Variants in OMA1 observed in about 807,000 individuals in gnomAD.
OMA1 encodes OMA1 zinc metallopeptidase.
In OMA1, 38 loss-of-function variants were observed where a neutral mutation model predicts 30.9. That is an observed-to-expected ratio of 1.23 (90% CI 0.95 to 1.61). The LOEUF (loss-of-function observed/expected upper bound fraction) is 1.61, where lower values mean the gene tolerates loss of function less well. OMA1 is among the 40% of genes most tolerant of loss of function. The probability of loss-of-function intolerance (pLI) is 0.00; values close to 1 mark genes in which losing one functional copy is unlikely to be tolerated. For synonymous variants in OMA1, 173 were observed against 121.9 expected (o/e 1.42, Z -2.76); for missense variants, 461 against 349.2 (o/e 1.32, Z -2.55).
At chr1:58,494,024 A>T (rs2100386028) in intron 8 of OMA1, among the ~76,000 whole-genome samples, 1 of 152,038 alleles carries the variant, frequency 6.6e-6, no homozygotes, top group Admixed American at 6.5e-5. Flanking sequence ...ACTATACTAC[A>T]AGGCTACAGT....
intron 7 of OMA1, among the ~76,000 whole-genome samples, chr1:58,518,875 T>C (rs1208417217): frequency 6.6e-6 from 1 of 152,174 alleles, no homozygotes; most frequent in Admixed American, 6.5e-5. Context: ...ATATTAAGTG[T>C]ATGAGATAGG....
At chr1:58,541,333 A>C (rs1323679178) in intron 1 of OMA1, among the ~76,000 whole-genome samples, 3 of 118,374 alleles carry the variant, frequency 2.5e-5, no homozygotes, top group Non-Finnish European at 5.4e-5. Context: ...AAAAAAAAAA[A>C]CAGGAAAAAC....
At chr1:58,539,748 T>C (rs1187292853) in intron 1 of OMA1, among the ~76,000 whole-genome samples, 3 of 152,170 alleles carry the variant, frequency 2.0e-5, no homozygotes, top group Middle Eastern at 3.2e-3. Flanking sequence ...CCCTAACAGA[T>C]GGGAAACAGA....
At chr1:58,534,631 C>T (rs1478487015) in intron 3 of OMA1, among the ~76,000 whole-genome samples, 5 of 152,168 alleles carry the variant, frequency 3.3e-5, no homozygotes, top group African/African-American at 4.8e-5. Context: ...CTTTCCTAAA[C>T]ATTTTAGAAA....
At chr1:58,536,068 T>C (rs1326879727) in intron 3 of OMA1, among the ~76,000 whole-genome samples, 1 of 152,086 alleles carries the variant, frequency 6.6e-6, no homozygotes, top group Non-Finnish European at 1.5e-5. Flanking sequence ...ATGCAAATAA[T>C]TATGTTACTC....
At chr1:58,493,702 A>G (rs186822) in intron 8 of OMA1, among the ~76,000 whole-genome samples, 2 of 151,594 alleles carry the variant, frequency 1.3e-5, no homozygotes. Context: ...TAGGAATCCA[A>G]CTTACAAGGG....
At chr1:58,495,928 T>C (rs944208241) in intron 8 of OMA1, among the ~76,000 whole-genome samples, 1 of 152,154 alleles carries the variant, frequency 6.6e-6, no homozygotes, top group Non-Finnish European at 1.5e-5. Context: ...AAGCCTGTCT[T>C]TGCAATGAAG....
intron 8 of OMA1, among the ~76,000 whole-genome samples, chr1:58,503,922 C>T (rs979541802): frequency 9.9e-5 from 15 of 152,180 alleles, no homozygotes; most frequent in African/African-American, 3.4e-4. Context: ...CCTAAATTAC[C>T]AACAAATCCT....
At chr1:58,499,390 T>A (rs1281773779) in intron 8 of OMA1, among the ~76,000 whole-genome samples, 1 of 139,376 alleles carries the variant, frequency 7.2e-6, no homozygotes, top group African/African-American at 2.7e-5. Context: ...GAGGCTGAAG[T>A]GGGAAAATTG....
chr1:58,531,042 T>C (rs1192367704), intron 5 of OMA1, among the ~76,000 whole-genome samples: 2 of 152,208 alleles, frequency 1.3e-5, no homozygotes, highest in South Asian at 2.1e-4. Context: ...CCTACATTTA[T>C]AGATAATGAA....
intron 7 of OMA1, among the ~76,000 whole-genome samples, chr1:58,521,924 C>CT (rs1557451879): frequency 6.6e-6 from 1 of 152,174 alleles, no homozygotes; most frequent in Non-Finnish European, 1.5e-5. Flanking sequence ...GCCAGCATAA[C>CT]TTTGATTCCA....
At chr1:58,504,919 T>C (rs1645962846) in intron 8 of OMA1, among the ~76,000 whole-genome samples, 1 of 152,180 alleles carries the variant, frequency 6.6e-6, no homozygotes, top group Admixed American at 6.5e-5. Context: ...AGGTACTCCG[T>C]ATTTGTTGGG....
chr1:58,524,167 T>C (rs964077742), intron 7 of OMA1, among the ~76,000 whole-genome samples: 1 of 152,236 alleles, frequency 6.6e-6, no homozygotes, highest in Admixed American at 6.5e-5. Flanking sequence ...TAAATCTTGA[T>C]GCTCATTAAT....
Position 58,506,143 on chromosome 1 carries a change from C to A in OMA1, c.1282G>T (p.Gly428Cys), listed in dbSNP as rs1294636259. Residue 428 changes from glycine to cysteine, a missense_variant, in exon 8 of 9, where the codon GGC becomes TGC. Gly to Cys is a radical substitution (Grantham distance 159). Coordinates refer to ENST00000371226, the MANE Select transcript of OMA1 (RefSeq NM_145243.5). Reference protein sequence around the residue: ...QQMEFVDSLHGQPKMPEWLST... With the variant: ...QQMEFVDSLHCQPKMPEWLST... ...AACCATTCTGGCATCTTGGGTTGGC[C>A]ATGCAGGCTATCAACGAACTCCATT... is the stretch of plus-strand genomic sequence containing the variant. 2.3e-6 allele frequency: 2 copies of A among 871,836 alleles called. No individual in the cohort carries two copies. The highest frequency in any genetic ancestry group is 4.8e-5 in the East Asian group (2 of 41,670). 54.0% of individuals were successfully genotyped at this position (871,836 alleles called of 1,614,324 possible).
intron 6 of OMA1, among the ~76,000 whole-genome samples, chr1:58,529,172 C>T (rs1051438567): frequency 6.6e-6 from 1 of 152,110 alleles, no homozygotes; most frequent in Admixed American, 6.5e-5. Context: ...AGCCAAATGA[C>T]ATGTTAATAC....
At chr1:58,529,293 TTAAA>T (rs1434522370) in intron 6 of OMA1, among the ~76,000 whole-genome samples, 36 of 152,142 alleles carry the variant, frequency 2.4e-4, no homozygotes, top group African/African-American at 8.2e-4. Flanking sequence ...CCACAAATCA[TTAAA>T]TAAACAAATA....
intron 2 of OMA1, among the ~76,000 whole-genome samples, chr1:58,538,157 T>C (rs927886599): frequency 8.5e-5 from 13 of 152,198 alleles, no homozygotes; most frequent in Non-Finnish European, 1.8e-4. Flanking sequence ...GAAAGCTTTA[T>C]GAAGAAACAG....
At chr1:58,520,590 A>G (rs1646246750) in intron 7 of OMA1, among the ~76,000 whole-genome samples, 1 of 152,232 alleles carries the variant, frequency 6.6e-6, no homozygotes, top group African/African-American at 2.4e-5. Context: ...GGCTACACAC[A>G]CAAGAACACA....
At chr1:58,516,135 T>TC (rs1451055331) in intron 7 of OMA1, among the ~76,000 whole-genome samples, 2 of 152,250 alleles carry the variant, frequency 1.3e-5, no homozygotes, top group Middle Eastern at 3.4e-3. Flanking sequence ...TATCCCCTTT[T>TC]CCCTCACATT....
Sources: gnomAD v4.1 joint callset for allele counts (sites outside exome capture counted in the v4.1 genomes callset) on GRCh38, gnomAD v4.1.1 for gene constraint, MANE v1.5 for transcripts, NCBI Gene and HGNC (gene_info 2026-07-23, HGNC 2026-07-21) for gene names.